Variants in CREM observed in about 807,000 individuals in gnomAD.
CREM encodes the protein cAMP responsive element modulator.
In CREM, 13 loss-of-function variants were observed where a neutral mutation model predicts 37.3. The observed-to-expected ratio is 0.35, with a 90% confidence interval of 0.23 to 0.55. CREM has a LOEUF of 0.55. Among genes scored for constraint, CREM ranks in the 20% least tolerant of loss-of-function variants. The probability of loss-of-function intolerance (pLI) is 0.88; values close to 1 mark genes in which losing one functional copy is unlikely to be tolerated. For synonymous variants in CREM, 124 were observed against 120.2 expected (o/e 1.03, Z -0.21); for missense variants, 296 against 362.3 (o/e 0.82, Z 1.49).
intron 1 of CREM, among the ~76,000 whole-genome samples, chr10:35,128,139 C>T (rs1056649209): frequency 4.6e-5 from 7 of 152,074 alleles, no homozygotes; most frequent in Non-Finnish European, 1.0e-4. Flanking sequence ...CGCCTGGCCT[C>T]AGCATGTTTC....
At chr10:35,177,971 T>A (rs1259951309) in intron 3 of CREM, among the ~76,000 whole-genome samples, 2 of 152,026 alleles carry the variant, frequency 1.3e-5, no homozygotes, top group East Asian at 1.9e-4. Flanking sequence ...AAAACACGAG[T>A]CATATGTGGA....
chr10:35,141,431 T>C (rs1489752088), intron 2 of CREM, among the ~76,000 whole-genome samples: 1 of 152,188 alleles, frequency 6.6e-6, no homozygotes, highest in Non-Finnish European at 1.5e-5. Flanking sequence ...ACTTAATTGT[T>C]CTTTAGAAGG....
intron 7 of CREM, among the ~76,000 whole-genome samples, chr10:35,208,550 T>C (rs1378835584): frequency 6.6e-6 from 1 of 152,202 alleles, no homozygotes; most frequent in Non-Finnish European, 1.5e-5. Flanking sequence ...GTCCTCATTG[T>C]GTGCAGCCAG....
At chr10:35,145,645 G>A (rs1013326618) in intron 2 of CREM, among the ~76,000 whole-genome samples, 2 of 151,904 alleles carry the variant, frequency 1.3e-5, no homozygotes, top group African/African-American at 4.8e-5. Flanking sequence ...TGGGCATGGG[G>A]GCATGCGTCA....
chr10:35,157,719 A>T (rs868328829), intron 3 of CREM, among the ~76,000 whole-genome samples: 2 of 152,096 alleles, frequency 1.3e-5, no homozygotes, highest in Non-Finnish European at 2.9e-5. Flanking sequence ...AGCCAGAGCA[A>T]TTAGGCAAAA....
intron 5 of CREM, among the ~76,000 whole-genome samples, chr10:35,182,251 G>A (rs1006637776): frequency 1.3e-5 from 2 of 152,072 alleles, no homozygotes; most frequent in African/African-American, 4.8e-5. Context: ...AGATATTAAT[G>A]CTTTAATGTT....
chr10:35,175,476 C>T lies in CREM; in HGVS notation c.169-3413C>T. On this transcript the variant is annotated intron_variant, in intron 3 of 7. Coordinates refer to ENST00000685392, the MANE Select transcript of CREM (RefSeq NM_183011.2). ...AAAAAGAACCATAGTTAAGTTCTATCTCCAATTTCTCTGAAGAAGTTAGAG... is the reference window on the plus strand; with the variant it reads ...AAAAAGAACCATAGTTAAGTTCTATTTCCAATTTCTCTGAAGAAGTTAGAG... 5.4e-6 allele frequency: 3 copies of T among 555,908 alleles called. No individual in the cohort carries two copies. In the South Asian group the frequency reaches 6.5e-5, roughly 12 times the overall value. 34.4% of individuals were successfully genotyped at this position (555,908 alleles called of 1,614,324 possible). A position where few individuals can be genotyped will look rare whatever the true frequency, so the allele number is the denominator to read the frequency against.
At chr10:35,127,438 T>G (rs981114476) in intron 1 of CREM, 1 of 152,106 alleles carries the variant, frequency 6.6e-6, no homozygotes, top group Non-Finnish European at 1.5e-5. Flanking sequence ...CCACGCCCGC[T>G]TCGTGCGCTC....
rs543194433 is a variant in CREM, at chr10:35,134,213, T to G, written c.-54-3569T>G. The stretch of plus-strand genomic sequence containing the variant: ...AGGTGCACATCACCATGCTGGCTCA[T>G]TTTTGTAATTTTTTCTTTTTTAAAT... On this transcript the variant is annotated intron_variant, in intron 1 of 7. Transcript: ENST00000685392. Among the ~76,000 whole-genome samples the G allele has an allele frequency of 2.0e-5, 3 of 151,886 alleles. No individual in the cohort carries two copies. In the South Asian group the frequency reaches 6.3e-4, roughly 32 times the overall value.
chr10:35,180,799 T>C (rs532456474), intron 5 of CREM, among the ~76,000 whole-genome samples: 1 of 152,280 alleles, frequency 6.6e-6, no homozygotes, highest in African/African-American at 2.4e-5. Flanking sequence ...GAGTGCTGAG[T>C]GCCTCGTCCC....
intron 2 of CREM, among the ~76,000 whole-genome samples, chr10:35,147,887 TTGAACC>T (rs1285494486): frequency 6.6e-6 from 1 of 152,228 alleles, no homozygotes; most frequent in Non-Finnish European, 1.5e-5. Context: ...GACTCTACTA[TTGAACC>T]TGTTTCTTGA....
At chr10:35,168,783 A>C (rs2093670965) in intron 3 of CREM, among the ~76,000 whole-genome samples, 1 of 152,182 alleles carries the variant, frequency 6.6e-6, no homozygotes, top group African/African-American at 2.4e-5. Flanking sequence ...TACAAGGTGT[A>C]AGGAAGAGAT....
intron 6 of CREM, among the ~76,000 whole-genome samples, chr10:35,192,791 A>C (rs561074742): frequency 2.0e-5 from 3 of 152,218 alleles, no homozygotes; most frequent in Non-Finnish European, 2.9e-5. Context: ...TGGGGATACA[A>C]ACATTCAGTC....
chr10:35,133,508 A>G (rs2089837091), intron 1 of CREM, among the ~76,000 whole-genome samples: 1 of 152,158 alleles, frequency 6.6e-6, no homozygotes, highest in Non-Finnish European at 1.5e-5. Context: ...CATGTTGGCC[A>G]GGCTGGTCTC....
At chr10:35,197,962 A>T (rs2095262128) in intron 6 of CREM, among the ~76,000 whole-genome samples, 1 of 152,112 alleles carries the variant, frequency 6.6e-6, no homozygotes, top group Admixed American at 6.5e-5. Flanking sequence ...AAGTGGACCT[A>T]TGTGTGTATG....
At chr10:35,176,280 A>T (rs902905846) in intron 3 of CREM, among the ~76,000 whole-genome samples, 12 of 152,184 alleles carry the variant, frequency 7.9e-5, no homozygotes, top group Non-Finnish European at 1.6e-4. Flanking sequence ...TCTGTGTTCA[A>T]ACTCAGATTT....
intron 6 of CREM, among the ~76,000 whole-genome samples, chr10:35,202,015 G>C (rs1412891127): frequency 6.6e-6 from 1 of 152,074 alleles, no homozygotes; most frequent in Non-Finnish European, 1.5e-5. Context: ...GGTTTCTGGG[G>C]TTAAAAAGAT....
At position 35,176,630 on chromosome 10, in the gene CREM, T is replaced by A. The variant is rs145968293; in HGVS notation, c.169-2259T>A. 7.0e-3 allele frequency among the ~76,000 whole-genome samples: 1,071 copies of A among 152,070 alleles called. 17 individuals carry two copies. The highest frequency in any genetic ancestry group is 0.024 in the African/African-American group (1,007 of 41,502). ...TTCACCGTGTTAGCCAGGATGGTCT[T>A]GATCTCCTGACCTCGTGATCCGCCT... is the stretch of plus-strand genomic sequence containing the variant. On this transcript the variant is annotated intron_variant, in intron 3 of 7. Coordinates refer to ENST00000685392, the MANE Select transcript of CREM (RefSeq NM_183011.2).
rs149595274 is a variant in CREM, at chr10:35,179,213, C to A, written c.346C>A (p.Pro116Thr). ...AGAGAGATCAGAGGAAGAAGGAACA[C>A]CACCTAGTATTGCTACCATGGCAGT... ...EEERSEEEGT[P>T]PSIATMAVPT... Residue 116 changes from proline to threonine, a missense_variant, in exon 5 of 8, where the codon CCA becomes ACA. By Grantham distance (38) the Pro-to-Thr change is conservative. Transcript: ENST00000685392. 1.2e-6 allele frequency: 2 copies of A among 1,613,988 alleles called. No individual in the cohort carries two copies. Among genetic ancestry groups the A allele is most frequent in the African/African-American group, 1.3e-5 (1 of 74,936 alleles).
Sources: gnomAD v4.1 joint callset for allele counts (sites outside exome capture counted in the v4.1 genomes callset) on GRCh38, gnomAD v4.1.1 for gene constraint, MANE v1.5 for transcripts, NCBI Gene and HGNC (gene_info 2026-07-23, HGNC 2026-07-21) for gene names.